Variants in GNAS observed in about 807,000 individuals in gnomAD.
GNAS encodes the protein protein ALEX.
In GNAS, 8 loss-of-function variants were observed where a neutral mutation model predicts 54.5. That is an observed-to-expected ratio of 0.15 (90% CI 0.09 to 0.26). The LOEUF is 0.26. GNAS is among the 10% of genes least tolerant of loss of function. The pLI, the probability that GNAS is intolerant of heterozygous loss-of-function variation, is 1.00. For missense variants in GNAS, 170 were observed against 529.8 expected, an observed-to-expected ratio of 0.32 and a Z score of 6.67; for synonymous variants, 204 against 191.4, an observed-to-expected ratio of 1.07 and a Z score of -0.54.
chr20:58,859,392 G>T (rs1212428351), intron 1 of GNAS, among the ~76,000 whole-genome samples: 4 of 152,052 alleles, frequency 2.6e-5, no homozygotes, highest in Non-Finnish European at 5.9e-5. Flanking sequence ...AGTAGAGATG[G>T]GGTTTCACCA....
At position 58,853,398 on chromosome 20, in the gene GNAS, C is replaced by T; in HGVS notation, c.43+12512C>T. On this transcript the variant is annotated intron_variant, in intron 1 of 12. Coordinates refer to the GNAS transcript ENST00000306090. This position sits in a 1 kb window ranked among gnomAD's most constrained non-coding sequence, Gnocchi z 4.4. ...AGCTGCCCCCGGTGCTGGGCCTAGCCCAGCCGAAGAGATGGAGACCGAACC... is the reference window on the plus strand; with the variant it reads ...AGCTGCCCCCGGTGCTGGGCCTAGCTCAGCCGAAGAGATGGAGACCGAACC... 6.4e-7 allele frequency: 1 copy of T among 1,569,900 alleles called. No homozygotes were observed. The highest frequency in any genetic ancestry group is 8.6e-7 in the Non-Finnish European group (1 of 1,158,204).
Position 58,841,689 on chromosome 20 carries a change from A to T in GNAS, c.43+803A>T, listed in dbSNP as rs558238772. On this transcript the variant is annotated intron_variant, in intron 1 of 12. Transcript: ENST00000306090. This position sits in a 1 kb window ranked among gnomAD's most constrained non-coding sequence, Gnocchi z 5.0. ...TACCTGGGGGAAAGGTAGAGGAGGT[A>T]AGGGGACCCTTGGGGATGCCCCTAC... The T allele has an allele frequency of 1.2e-4, 146 of 1,192,668 alleles. 1 individual carries two copies. The South Asian group carries it at 5.8e-3, about 47-fold the overall frequency. 73.9% of individuals were successfully genotyped at this position (1,192,668 alleles called of 1,614,324 possible).
intron 1 of GNAS, chr20:58,855,726 G>A: frequency 4.8e-6 from 3 of 630,170 alleles, no homozygotes; most frequent in Non-Finnish European, 8.7e-6. Context: ...GTGGGCTGGG[G>A]TCATTGGGGA....
rs930403342 is a variant in GNAS at position 58,841,991 on chromosome 20, G to A, written c.43+1105G>A. 2.1e-6 allele frequency: 2 copies of A among 954,144 alleles called. No homozygotes were observed. Among genetic ancestry groups the A allele is most frequent in the Non-Finnish European group, 2.7e-6 (2 of 734,194 alleles). The allele number at this position is 954,144 out of a possible 1,614,324, so 59.1% of individuals were successfully genotyped here. Reference sequence around the variant, plus strand: ...AGAGCTGGGGAAAGGTGTTGGATCCGGCGCCAGTCCTTGGACGATCAGTCG... The same window carrying A: ...AGAGCTGGGGAAAGGTGTTGGATCCAGCGCCAGTCCTTGGACGATCAGTCG... On this transcript the variant is annotated intron_variant, in intron 1 of 12. Coordinates refer to the GNAS transcript ENST00000306090. This position sits in a 1 kb window ranked among gnomAD's most constrained non-coding sequence, Gnocchi z 5.0.
intron 1 of GNAS, among the ~76,000 whole-genome samples, chr20:58,861,454 A>G (rs1771795966): frequency 6.6e-6 from 1 of 152,208 alleles, no homozygotes; most frequent in South Asian, 2.1e-4. Context: ...ATTTCATTAA[A>G]TTAGACTGAA....
At chr20:58,897,150 T>A (rs1296959487) in intron 2 of GNAS, among the ~76,000 whole-genome samples, 1 of 152,218 alleles carries the variant, frequency 6.6e-6, no homozygotes, top group African/African-American at 2.4e-5. Context: ...TGATTATGAC[T>A]CTCAATGGGT....
In GNAS at chr20:58,909,548, T is replaced by A; in HGVS notation, c.687T>A (p.Asp229Glu). The A allele has an allele frequency of 6.2e-7, 1 of 1,614,190 alleles. No homozygotes were observed. Among genetic ancestry groups the A allele is most frequent in the Non-Finnish European group, 8.5e-7 (1 of 1,180,024 alleles). Residue 229 changes from aspartate (D) to glutamate (E), a missense_variant, in exon 9 of 13, where the codon GAT (aspartate) becomes GAA (glutamate). Asp to Glu is a conservative substitution (Grantham distance 45). Transcript: ENST00000371085. The surrounding 1 kb of genome is among the most constrained non-coding windows in gnomAD (Gnocchi z 7.3). ...TGTTTGACGTGGGTGGCCAGCGCGATGAACGCCGCAAGTGGATCCAGTGCT... is the reference window on the plus strand; with the variant it reads ...TGTTTGACGTGGGTGGCCAGCGCGAAGAACGCCGCAAGTGGATCCAGTGCT... The part of the protein sequence containing the change: ...FHMFDVGGQR[D>E]ERRKWIQCFN...
intron 1 of GNAS, among the ~76,000 whole-genome samples, chr20:58,875,682 G>T (rs2087760298): frequency 6.6e-6 from 1 of 152,170 alleles, no homozygotes; most frequent in Non-Finnish European, 1.5e-5. Context: ...CTGGCAGCGG[G>T]GTGCCCCCCC....
intron 1 of GNAS, among the ~76,000 whole-genome samples, chr20:58,864,472 T>G (rs1313195511): frequency 6.6e-6 from 1 of 152,152 alleles, no homozygotes; most frequent in Non-Finnish European, 1.5e-5. Context: ...TTGACGTCAT[T>G]CAGGGGGTTC....
At chr20:58,849,066 A>G in intron 1 of GNAS, 1 of 392,762 alleles carries the variant, frequency 2.5e-6, no homozygotes, top group East Asian at 3.6e-5. Context: ...GTGATTTTCA[A>G]CTGGGGGAGA....
At chr20:58,861,168 G>A (rs150509637) in intron 1 of GNAS, among the ~76,000 whole-genome samples, 32 of 152,050 alleles carry the variant, frequency 2.1e-4, no homozygotes, top group African/African-American at 6.5e-4. Flanking sequence ...ACAACAATTC[G>A]TTTCTACACT....
At chr20:58,889,201 C>T (rs1418893451), upstream of GNAS, 21 of 1,207,986 alleles carry the variant, frequency 1.7e-5, no homozygotes, top group Non-Finnish European at 1.2e-5. Flanking sequence ...CACCGCGGAG[C>T]GGGCTGCGTC....
chr20:58,909,727 C>T lies in GNAS; in HGVS notation c.762C>T (p.Asn254=), dbSNP rs2146284911. 1 of 1,614,010 alleles carries T rather than the reference C, an allele frequency of 6.2e-7. No individual in the cohort carries two copies. Among genetic ancestry groups the T allele is most frequent in the African/African-American group, 1.3e-5 (1 of 75,052 alleles). ...IIFVVASSSY[N]MVIREDNQTN... is the part of the protein sequence containing the mutation. ...TCGTGGTGGCCAGCAGCAGCTACAA[C>T]ATGGTCATCCGGGAGGACAACCAGA... The change falls in exon 10 of 13, where the codon AAC becomes AAT. Residue 254 remains asparagine, a synonymous_variant. Transcript: ENST00000371085. This position sits in a 1 kb window ranked among gnomAD's most constrained non-coding sequence, Gnocchi z 7.3.
Position 58,853,237 on chromosome 20 carries a change from A to G in GNAS, c.43+12351A>G, listed in dbSNP as rs936117600. ...GGGTGCTCCATCTTACGGAGCCCCA[A>G]ACTTATTTTGAGAGGCCGCCACCGT... On this transcript the variant is annotated intron_variant, in intron 1 of 12. Transcript: ENST00000306090. The surrounding 1 kb of genome is among the most constrained non-coding windows in gnomAD (Gnocchi z 4.4). The G allele has an allele frequency of 1.8e-5, 27 of 1,519,560 alleles. No individual in the cohort carries two copies. The East Asian group carries it at 5.5e-4, about 31-fold the overall frequency. 94.1% of individuals were successfully genotyped at this position (1,519,560 alleles called of 1,614,324 possible). A position where few individuals can be genotyped will look rare whatever the true frequency, so the allele number is the denominator to read the frequency against.
chr20:58,861,951 C>T (rs2145631351), intron 1 of GNAS, among the ~76,000 whole-genome samples: 2 of 152,082 alleles, frequency 1.3e-5, no homozygotes, highest in African/African-American at 4.8e-5. Flanking sequence ...ATGATCTGCC[C>T]GCCTCAGCCA....
rs745502021 is a variant in GNAS, at chr20:58,910,643, C to A, written c.1039-40C>A. Reference sequence around the variant, plus strand: ...CCATCAGGGATAGGGTGGTTCCTGGCGAGGGTGTCACTGACAAGTCCCCTT... The same window carrying A: ...CCATCAGGGATAGGGTGGTTCCTGGAGAGGGTGTCACTGACAAGTCCCCTT... On this transcript the variant is annotated intron_variant, in intron 12 of 12. Transcript: ENST00000371085. This position sits in a 1 kb window ranked among gnomAD's most constrained non-coding sequence, Gnocchi z 5.8. The A allele has an allele frequency of 4.3e-6, 7 of 1,612,462 alleles. No homozygotes were observed. The African/African-American group carries it at 9.4e-5, about 22-fold the overall frequency.
chr20:58,891,521 G>A lies in GNAS; in HGVS notation c.-206G>A, dbSNP rs2089307091. On this transcript the variant is annotated 5_prime_UTR_variant, in exon 1 of 13. Transcript: ENST00000371085. ...GGGCGGGGAGCTGCGCGCGCCCCTC[G>A]GTCCGACCGACACCCTCCCCTTCCC... 5.1e-6 allele frequency: 5 copies of A among 975,282 alleles called. No individual in the cohort carries two copies. The highest frequency in any genetic ancestry group is 1.2e-4 in the East Asian group (1 of 8,368). 60.4% of individuals were successfully genotyped at this position (975,282 alleles called of 1,614,324 possible). A position where few individuals can be genotyped will look rare whatever the true frequency, so the allele number is the denominator to read the frequency against.
intron 1 of GNAS, chr20:58,850,417 G>A (rs2086111839): frequency 2.5e-6 from 1 of 397,538 alleles, no homozygotes; most frequent in Non-Finnish European, 4.4e-6. Context: ...CCCTGAACCC[G>A]TTCCTCGACA....
intron 1 of GNAS, chr20:58,852,766 C>A (rs527513299): frequency 3.2e-5 from 7 of 220,064 alleles, no homozygotes; most frequent in East Asian, 2.6e-4. Flanking sequence ...AACGTCCCTG[C>A]GAGGCCTGCG....
Sources: allele counts gnomAD v4.1 joint callset (sites outside exome capture counted in the v4.1 genomes callset), GRCh38; gene constraint gnomAD v4.1.1; non-coding constraint Gnocchi (gnomAD v3.1); transcripts MANE v1.5; gene names NCBI Gene and HGNC (gene_info 2026-07-23, HGNC 2026-07-21).